The following ELOVL7 variants were observed in gnomAD, a reference collection of about 807,000 sequenced individuals.
ELOVL7 encodes ELOVL fatty acid elongase 7, also known as very long chain fatty acid elongase 7.
A neutral mutation model predicts 35.7 loss-of-function variants in ELOVL7; 27 were observed. That is an observed-to-expected ratio of 0.76 (90% CI 0.56 to 1.04). ELOVL7 has a LOEUF of 1.04. Ranked by LOEUF, ELOVL7 falls within the 50% of genes least tolerant of loss-of-function variation. The pLI is 0.00. For missense variants in ELOVL7, 327 were observed against 340.8 expected, an observed-to-expected ratio of 0.96 and a Z score of 0.32; for synonymous variants, 113 against 114.6, an observed-to-expected ratio of 0.99 and a Z score of 0.09.
intron 6 of ELOVL7, among the ~76,000 whole-genome samples, chr5:60,765,484 T>C (rs1443252744): frequency 1.3e-5 from 2 of 152,196 alleles, no homozygotes; most frequent in Non-Finnish European, 2.9e-5. Flanking sequence ...TCGTCGTTGT[T>C]TTCCCTAATG....
intron 1 of ELOVL7, among the ~76,000 whole-genome samples, chr5:60,817,632 T>G (rs920203546): frequency 6.8e-6 from 1 of 147,486 alleles, no homozygotes; most frequent in Non-Finnish European, 1.5e-5. Context: ...TATATATGTA[T>G]ATTAGTATAT....
At chr5:60,803,795 C>G (rs947534008) in intron 1 of ELOVL7, among the ~76,000 whole-genome samples, 1 of 152,150 alleles carries the variant, frequency 6.6e-6, no homozygotes, top group Non-Finnish European at 1.5e-5. Flanking sequence ...TATGAATTAA[C>G]TCAGGTCTGT....
intron 2 of ELOVL7, among the ~76,000 whole-genome samples, chr5:60,793,184 T>G (rs1047836350): frequency 1.3e-5 from 2 of 152,224 alleles, no homozygotes; most frequent in African/African-American, 4.8e-5. Context: ...TACCTCTCAA[T>G]GCAGTAGTTA....
In ELOVL7 at chr5:60,836,838, T is replaced by C. The variant is rs752606572; in HGVS notation, c.-86+7322A>G. 8.6e-5 allele frequency among the ~76,000 whole-genome samples: 13 copies of C among 152,036 alleles called. No homozygotes were observed. The South Asian group carries it at 2.1e-3, about 24-fold the overall frequency. On this transcript the variant is annotated intron_variant, in intron 1 of 8. Coordinates refer to ENST00000508821, the MANE Select transcript of ELOVL7 (RefSeq NM_024930.3). ...TTGTCTAGATCTCACGTTTCTACCA[T>C]TGACACTAAAAAATCTAAATTGGGT...
rs1178779890 is a variant in ELOVL7, at chr5:60,766,560, G to A, written c.393+14C>T. 6.3e-7 allele frequency: 1 copy of A among 1,598,270 alleles called. No homozygotes were observed. Among genetic ancestry groups the A allele is most frequent in the Non-Finnish European group, 8.5e-7 (1 of 1,171,064 alleles). On this transcript the variant is annotated intron_variant, in intron 6 of 8. Coordinates refer to ENST00000508821, the MANE Select transcript of ELOVL7 (RefSeq NM_024930.3). ...AGATCAAACATTTACCAAATGTGGT[G>A]GCCATATACTCACCGTATCTAATAG...
chr5:60,817,719 T>TATATATACACAC (rs1745606229), intron 1 of ELOVL7, among the ~76,000 whole-genome samples: 1 of 71,672 alleles, frequency 1.4e-5, no homozygotes, highest in African/African-American at 3.7e-5. Context: ...TATATACACA[T>TATATATACACAC]ATGTATATAC....
At chr5:60,831,709 T>C (rs1746490131) in intron 1 of ELOVL7, among the ~76,000 whole-genome samples, 1 of 152,234 alleles carries the variant, frequency 6.6e-6, no homozygotes, top group Admixed American at 6.5e-5. Context: ...TTCAAGATCC[T>C]CTTTATTAGG....
At chr5:60,756,349 A>T (rs1277702210) in intron 8 of ELOVL7, among the ~76,000 whole-genome samples, 1 of 152,186 alleles carries the variant, frequency 6.6e-6, no homozygotes, top group Admixed American at 6.5e-5. Context: ...TAAAAATATC[A>T]GTGATTATCC....
At chr5:60,797,692 A>G (rs1304498964) in intron 2 of ELOVL7, among the ~76,000 whole-genome samples, 2 of 152,224 alleles carry the variant, frequency 1.3e-5, no homozygotes, top group African/African-American at 4.8e-5. Context: ...CAAGTGGCCA[A>G]TGGGACTTTA....
intron 1 of ELOVL7, among the ~76,000 whole-genome samples, chr5:60,824,952 T>A (rs1043993658): frequency 6.8e-6 from 1 of 147,270 alleles, no homozygotes; most frequent in African/African-American, 2.5e-5. Context: ...CTTTCCTTCT[T>A]CTCACTTCTT....
intron 1 of ELOVL7, among the ~76,000 whole-genome samples, chr5:60,810,942 T>A (rs538575956): frequency 6.6e-6 from 1 of 152,288 alleles, no homozygotes; most frequent in East Asian, 1.9e-4. Flanking sequence ...AAGGCCCAAT[T>A]TTCTCAGTTT....
intron 1 of ELOVL7, among the ~76,000 whole-genome samples, chr5:60,807,725 C>T (rs1173783425): frequency 2.0e-5 from 3 of 151,916 alleles, no homozygotes; most frequent in East Asian, 1.9e-4. Context: ...TGGGGCCGGG[C>T]GCGGTGGTTC....
intron 1 of ELOVL7, among the ~76,000 whole-genome samples, chr5:60,835,245 T>A (rs1237308765): frequency 6.8e-6 from 1 of 147,108 alleles, no homozygotes; most frequent in African/African-American, 2.5e-5. Flanking sequence ...GAGGAAGAGC[T>A]CCTCACCAAT....
chr5:60,764,761 G>T (rs1381751346), intron 6 of ELOVL7, among the ~76,000 whole-genome samples: 1 of 152,022 alleles, frequency 6.6e-6, no homozygotes, highest in East Asian at 1.9e-4. Flanking sequence ...TTAGGCAAAC[G>T]AAGAGGACTT....
intron 7 of ELOVL7, among the ~76,000 whole-genome samples, chr5:60,762,511 A>C: frequency 6.6e-6 from 1 of 152,202 alleles, no homozygotes; most frequent in East Asian, 1.9e-4. Flanking sequence ...AAATATAGAG[A>C]AAGGGACGGA....
At chr5:60,808,811 A>C (rs1175366059) in intron 1 of ELOVL7, among the ~76,000 whole-genome samples, 2 of 152,260 alleles carry the variant, frequency 1.3e-5, no homozygotes, top group African/African-American at 4.8e-5. Flanking sequence ...AAGGCTGCTG[A>C]TACAACATGG....
intron 1 of ELOVL7, among the ~76,000 whole-genome samples, chr5:60,823,650 A>G (rs1371714529): frequency 2.0e-5 from 3 of 152,206 alleles, no homozygotes; most frequent in Non-Finnish European, 4.4e-5. Flanking sequence ...GGTTTTTTAG[A>G]GATTAGTGAA....
Position 60,780,114 on chromosome 5 carries a change from CT to C in ELOVL7, c.64+7219del, listed in dbSNP as rs59345433. Among the ~76,000 whole-genome samples, 799 of 124,320 alleles carry C rather than the reference CT, an allele frequency of 6.4e-3. 5 individuals carry two copies. Among genetic ancestry groups the C allele is most frequent in the South Asian group, 0.012 (45 of 3,864 alleles). The allele number at this position is 124,320 out of a possible 152,430, so 81.6% of individuals were successfully genotyped here. A position where few individuals can be genotyped will look rare whatever the true frequency, so the allele number is the denominator to read the frequency against. ...GTCTCTAGTAAGTTCCAAACTTTCC[CT>C]TTTTTTTTTTTTTTTTTTTTTTAGA... On this transcript the variant is annotated intron_variant, in intron 3 of 8. Transcript: ENST00000508821.
At chr5:60,805,342 C>T (rs1387891968) in intron 1 of ELOVL7, among the ~76,000 whole-genome samples, 1 of 152,176 alleles carries the variant, frequency 6.6e-6, no homozygotes, top group Non-Finnish European at 1.5e-5. Context: ...GTTACTACAA[C>T]TTGGTAACAT....
Sources: allele counts gnomAD v4.1 joint callset (sites outside exome capture counted in the v4.1 genomes callset), GRCh38; gene constraint gnomAD v4.1.1; transcripts MANE v1.5; gene names NCBI Gene and HGNC (gene_info 2026-07-23, HGNC 2026-07-21).